Variants in ACTN1 observed in about 807,000 individuals in gnomAD.
The protein encoded by ACTN1 is actinin alpha 1.
A neutral mutation model predicts 119.6 loss-of-function variants in ACTN1; 30 were observed. The observed-to-expected ratio is 0.25, with a 90% CI of 0.19 to 0.34. The LOEUF is 0.34. Ranked by LOEUF, ACTN1 falls within the 10% of genes least tolerant of loss-of-function variation. The pLI is 1.00. For missense variants in ACTN1, 764 were observed against 1,223.4 expected (o/e 0.62, Z 5.60); for synonymous variants, 429 against 472.6 (o/e 0.91, Z 1.20).
chr14:68,898,534 A>G (rs2033040144), intron 8 of ACTN1, among the ~76,000 whole-genome samples: 1 of 152,150 alleles, frequency 6.6e-6, no homozygotes, highest in African/African-American at 2.4e-5. Context: ...CGGGTTTTGG[A>G]AGACTTTCCT....
chr14:68,924,196 T>C (rs1418398993), intron 2 of ACTN1, among the ~76,000 whole-genome samples: 1 of 152,224 alleles, frequency 6.6e-6, no homozygotes, highest in African/African-American at 2.4e-5. Flanking sequence ...ACGGTGGCGA[T>C]GGCTGCACAA....
At chr14:68,932,350 T>C (rs1357686665) in intron 1 of ACTN1, among the ~76,000 whole-genome samples, 2 of 151,742 alleles carry the variant, frequency 1.3e-5, no homozygotes, top group African/African-American at 4.8e-5. Context: ...TTCTTCAGCT[T>C]TGGGACTCGG....
intron 1 of ACTN1, among the ~76,000 whole-genome samples, chr14:68,926,824 G>A (rs2034949792): frequency 6.6e-6 from 1 of 152,164 alleles, no homozygotes; most frequent in African/African-American, 2.4e-5. Context: ...GTAGGAAGAG[G>A]GAAGAACATC....
intron 1 of ACTN1, among the ~76,000 whole-genome samples, chr14:68,972,671 C>T (rs2036925870): frequency 6.6e-6 from 1 of 152,194 alleles, no homozygotes; most frequent in Non-Finnish European, 1.5e-5. Context: ...CCCACGCAAG[C>T]ATTTGTTGTA....
intron 21 of ACTN1, among the ~76,000 whole-genome samples, 164 bp downstream of exon 21, chr14:68,876,918 C>T (rs1293501037): frequency 5.3e-5 from 8 of 152,158 alleles, no homozygotes; most frequent in Non-Finnish European, 1.2e-4. Context: ...CTTAGCTGAG[C>T]CCAAGACATT....
chr14:68,909,641 C>T lies in ACTN1; in HGVS notation c.516-245G>A, dbSNP rs558763557. Among the ~76,000 whole-genome samples, 1 of 152,338 alleles carries T rather than the reference C, an allele frequency of 6.6e-6. No homozygotes were observed. The highest frequency in any genetic ancestry group is 2.1e-4 in the South Asian group (1 of 4,828). On this transcript the variant is annotated intron_variant, in intron 5 of 21. Coordinates refer to ENST00000394419, the MANE Select transcript of ACTN1 (RefSeq NM_001130004.2). This position sits in a 1 kb window ranked among gnomAD's most constrained non-coding sequence, Gnocchi z 4.1. ...CTGCCATATCCAGCCCTACCCCCGA[C>T]CAAGGCCTATGGCCCTAGTCTGCTG...
intron 2 of ACTN1, 141 bp from the exon 3 acceptor site, chr14:68,921,266 C>T (rs898329015): frequency 1.9e-6 from 2 of 1,050,228 alleles, no homozygotes; most frequent in African/African-American, 3.3e-5. Context: ...TGTGCTCACA[C>T]GCTGCTCAGG....
chr14:68,911,293 T>C (rs774712810), intron 4 of ACTN1, among the ~76,000 whole-genome samples: 2 of 152,160 alleles, frequency 1.3e-5, no homozygotes, highest in Non-Finnish European at 2.9e-5. Context: ...CCCAAAAGAA[T>C]CAAAATCATC....
intron 1 of ACTN1, among the ~76,000 whole-genome samples, chr14:68,972,936 A>G (rs1055586310): frequency 6.6e-6 from 1 of 152,222 alleles, no homozygotes; most frequent in Non-Finnish European, 1.5e-5. Context: ...CACTATAATT[A>G]TTATGAGAAA....
chr14:68,907,765 G>A (rs935063469), intron 6 of ACTN1, among the ~76,000 whole-genome samples: 1 of 152,058 alleles, frequency 6.6e-6, no homozygotes, highest in Admixed American at 6.6e-5. Context: ...AAGGGAGGGG[G>A]CTCTAGAGCC....
chr14:68,885,489 C>T lies in ACTN1; in HGVS notation c.1321G>A (p.Glu441Lys), dbSNP rs2031920240. Residue 441 changes from glutamate (E) to lysine (K), a missense_variant, in exon 12 of 22, where the codon GAG (glutamate) becomes AAG (lysine). Glu to Lys is a moderately conservative substitution (Grantham distance 56). Around this residue, in one of 4 missense-constraint regions of ACTN1, gnomAD observed 544 missense variants for 912.0 expected, o/e 0.60. Coordinates refer to ENST00000394419, the MANE Select transcript of ACTN1 (RefSeq NM_001130004.2). The surrounding 1 kb of genome is among the most constrained non-coding windows in gnomAD (Gnocchi z 5.6). ...TCCTGGTGGGCAGCCAGGTCACTCT[C>T]GAAGGCCTCATGCTTCTTGAGCAGG... The part of the protein sequence containing the change: ...KALLKKHEAF[E>K]SDLAAHQDRV... 1.2e-6 allele frequency: 2 copies of T among 1,614,142 alleles called. No homozygotes were observed. The highest frequency in any genetic ancestry group is 1.1e-5 in the South Asian group (1 of 91,086).
At position 68,874,611 on chromosome 14, in the gene ACTN1, GA is replaced by G. The variant is rs1319208959; in HGVS notation, c.*247del. 1 of 360,068 alleles carries G rather than the reference GA, an allele frequency of 2.8e-6. No homozygotes were observed. Among genetic ancestry groups the G allele is most frequent in the Non-Finnish European group, 4.9e-6 (1 of 203,494 alleles). 22.3% of individuals were successfully genotyped at this position (360,068 alleles called of 1,614,324 possible). On this transcript the variant is annotated 3_prime_UTR_variant, in exon 22 of 22. Coordinates refer to ENST00000394419, the MANE Select transcript of ACTN1 (RefSeq NM_001130004.2). Reference sequence around the variant, plus strand: ...CCTCTTTTTTTCCATTTGTCTGGTGGAGAAAAAATACTTTTTCTATAATAAA... The same window carrying G: ...CCTCTTTTTTTCCATTTGTCTGGTGGGAAAAAATACTTTTTCTATAATAAA...
intron 1 of ACTN1, among the ~76,000 whole-genome samples, chr14:68,929,450 G>C (rs1251408087): frequency 1.1e-5 from 1 of 91,496 alleles, no homozygotes; most frequent in African/African-American, 4.2e-5. Flanking sequence ...AAGGGTACAG[G>C]GCCATGTTAC....
At chr14:68,956,406 G>A (rs1329255253) in intron 1 of ACTN1, among the ~76,000 whole-genome samples, 1 of 152,204 alleles carries the variant, frequency 6.6e-6, no homozygotes, top group Non-Finnish European at 1.5e-5. Flanking sequence ...TATTCCTCCA[G>A]ATAATCCTTC....
chr14:68,940,677 T>TAA (rs56676308), intron 1 of ACTN1, among the ~76,000 whole-genome samples: 28,533 of 137,998 alleles, frequency 0.21, 3,045 homozygotes, highest in African/African-American at 0.26. Context: ...TGTCTCTACT[T>TAA]AAAAAAAAAA....
chr14:68,969,559 G>C (rs1031369785), intron 1 of ACTN1, among the ~76,000 whole-genome samples: 1 of 152,216 alleles, frequency 6.6e-6, no homozygotes, highest in Non-Finnish European at 1.5e-5. Context: ...TCAAGGAGGT[G>C]GCCAAAAACA....
At chr14:68,977,804 C>CCCA (rs530015269) in intron 1 of ACTN1, 5 of 367,374 alleles carry the variant, frequency 1.4e-5, no homozygotes, top group Admixed American at 3.3e-5. Flanking sequence ...ATCCTGTCCC[C>CCCA]CCCCCACCCA....
At chr14:68,948,407 G>T (rs893982073) in intron 1 of ACTN1, among the ~76,000 whole-genome samples, 1 of 152,110 alleles carries the variant, frequency 6.6e-6, no homozygotes, top group Non-Finnish European at 1.5e-5. Flanking sequence ...TGGAACCCCC[G>T]TCTCTACTAA....
rs997578135 is a variant in ACTN1, at chr14:68,922,362, G to C, written c.221-1237C>G. On this transcript the variant is annotated intron_variant, in intron 2 of 21. Transcript: ENST00000394419. ...ATGGGATCTGGCTGTCAGCTCCCAG[G>C]GAAGCACAGCTGTTTTTTAAATTAA... Among the ~76,000 whole-genome samples, 12 of 152,240 alleles carry C rather than the reference G, an allele frequency of 7.9e-5. No individual in the cohort carries two copies. The East Asian group carries it at 2.3e-3, about 29-fold the overall frequency.
Sources: allele counts gnomAD v4.1 joint callset (sites outside exome capture counted in the v4.1 genomes callset), GRCh38; gene constraint gnomAD v4.1.1; regional missense constraint gnomAD v4.1.1; non-coding constraint Gnocchi (gnomAD v3.1); transcripts MANE v1.5; gene names NCBI Gene and HGNC (gene_info 2026-07-23, HGNC 2026-07-21).